The following NFIA variants were observed in gnomAD, a reference collection of about 807,000 sequenced individuals.
NFIA encodes nuclear factor I A, also known as nuclear factor 1 A-type.
NFIA carries 8 observed loss-of-function variants against 62.8 expected under a neutral mutation model. That is an observed-to-expected ratio of 0.13 (90% CI 0.07 to 0.23). The LOEUF (loss-of-function observed/expected upper bound fraction) is 0.23. NFIA is among the 10% of genes least tolerant of loss of function. The pLI, the probability that NFIA is intolerant of heterozygous loss-of-function variation, is 1.00. For missense variants in NFIA, 410 were observed against 642.1 expected (o/e 0.64, Z 3.91); for synonymous variants, 235 against 238.1 (o/e 0.99, Z 0.12).
At chr1:61,401,968 A>G (rs573867931) in intron 7 of NFIA, among the ~76,000 whole-genome samples, 23 of 152,064 alleles carry the variant, frequency 1.5e-4, no homozygotes, top group Admixed American at 4.6e-4. Context: ...GGTTTTAACA[A>G]GCAACAACAA....
At chr1:61,140,032 A>G (rs1228373857) in intron 2 of NFIA, among the ~76,000 whole-genome samples, 2 of 152,228 alleles carry the variant, frequency 1.3e-5, no homozygotes, top group Non-Finnish European at 2.9e-5. Context: ...ATGATACCCA[A>G]TAAATGATGA....
At chr1:61,178,977 A>G (rs1466568935) in intron 2 of NFIA, among the ~76,000 whole-genome samples, 1 of 152,194 alleles carries the variant, frequency 6.6e-6, no homozygotes, top group Non-Finnish European at 1.5e-5. Flanking sequence ...TCATTGTTTA[A>G]CTGAGAAGCA....
intron 2 of NFIA, among the ~76,000 whole-genome samples, chr1:61,197,186 C>A (rs1557629880): frequency 6.7e-6 from 1 of 150,330 alleles, no homozygotes; most frequent in South Asian, 2.1e-4. Flanking sequence ...AGATTTCCCA[C>A]AGAGTTGTAG....
intron 6 of NFIA, among the ~76,000 whole-genome samples, chr1:61,367,421 T>C (rs1304671299): frequency 6.6e-6 from 1 of 152,218 alleles, no homozygotes; most frequent in African/African-American, 2.4e-5. Flanking sequence ...CTACAGAACA[T>C]TGCCATGGGA....
At chr1:61,452,979 T>C (rs1668127269) in intron 10 of NFIA, among the ~76,000 whole-genome samples, 1 of 152,164 alleles carries the variant, frequency 6.6e-6, no homozygotes, top group African/African-American at 2.4e-5. Flanking sequence ...TGTAGTTTTC[T>C]TTCCCATGCA....
intron 7 of NFIA, among the ~76,000 whole-genome samples, chr1:61,387,468 C>CTTT (rs33965994): frequency 2.2e-3 from 206 of 95,428 alleles, no homozygotes; most frequent in Non-Finnish European, 2.9e-3. Context: ...CAAGCACTTT[C>CTTT]TTTTTTTTTT....
chr1:61,204,485 A>G (rs1374090362), intron 2 of NFIA, among the ~76,000 whole-genome samples: 1 of 151,942 alleles, frequency 6.6e-6, no homozygotes, highest in South Asian at 2.1e-4. Flanking sequence ...ATATTTTTTT[A>G]TTTTTTATTT....
At chr1:61,305,119 G>A (rs1444789818) in intron 3 of NFIA, among the ~76,000 whole-genome samples, 2 of 152,206 alleles carry the variant, frequency 1.3e-5, no homozygotes, top group East Asian at 1.9e-4. Context: ...TGGAAATGCG[G>A]TGGGCATGGG....
intron 6 of NFIA, among the ~76,000 whole-genome samples, chr1:61,359,561 TTTTG>T (rs1194438661): frequency 1.3e-5 from 2 of 152,154 alleles, no homozygotes; most frequent in Non-Finnish European, 2.9e-5. Context: ...CTTTTGGTTT[TTTTG>T]TTTGTTTTGT....
intron 2 of NFIA, among the ~76,000 whole-genome samples, chr1:61,245,218 C>A (rs897364162): frequency 6.6e-6 from 1 of 152,054 alleles, no homozygotes; most frequent in Non-Finnish European, 1.5e-5. Flanking sequence ...ATCCTGAAAT[C>A]TTGTAGATTA....
At chr1:61,343,393 C>T (rs1401646860) in intron 4 of NFIA, among the ~76,000 whole-genome samples, 1 of 152,220 alleles carries the variant, frequency 6.6e-6, no homozygotes, top group Non-Finnish European at 1.5e-5. Flanking sequence ...TCTTCACCTC[C>T]CTTTTCTCCT....
chr1:61,242,688 A>G (rs1655415194), intron 2 of NFIA, among the ~76,000 whole-genome samples: 1 of 152,186 alleles, frequency 6.6e-6, no homozygotes, highest in South Asian at 2.1e-4. Context: ...TCTGTTTAAT[A>G]TCAGCAATGG....
rs972242289 is a variant in NFIA, at chr1:61,092,508, G to A, written c.559+3828G>A. ...GCAAAGATCCTTTCAATCACTGAAG[G>A]AGCTGTTTCAGTGTCTCGGAAGCCT... is the stretch of plus-strand genomic sequence containing the variant. On this transcript the variant is annotated intron_variant, in intron 2 of 10. Coordinates refer to ENST00000403491, the MANE Select transcript of NFIA (RefSeq NM_001134673.4). Among the ~76,000 whole-genome samples the A allele has an allele frequency of 3.3e-5, 5 of 152,240 alleles. No homozygotes were observed. In the East Asian group the frequency reaches 9.6e-4, roughly 29 times the overall value.
intron 3 of NFIA, among the ~76,000 whole-genome samples, chr1:61,285,597 C>T (rs1658435546): frequency 6.6e-6 from 1 of 152,160 alleles, no homozygotes; most frequent in Admixed American, 6.6e-5. Flanking sequence ...TTTTACTCAG[C>T]TCCAGGCAAC....
At chr1:61,240,476 G>A (rs1158132840) in intron 2 of NFIA, among the ~76,000 whole-genome samples, 1 of 151,696 alleles carries the variant, frequency 6.6e-6, no homozygotes. Context: ...AGGTTCACAG[G>A]CTAGCTCATT....
intron 3 of NFIA, among the ~76,000 whole-genome samples, chr1:61,277,909 G>A (rs973367679): frequency 6.6e-6 from 1 of 152,102 alleles, no homozygotes; most frequent in Non-Finnish European, 1.5e-5. Context: ...AGCATTAAGT[G>A]AGGAGTCATG....
chr1:61,120,353 G>A (rs1383292688), intron 2 of NFIA, among the ~76,000 whole-genome samples: 1 of 152,160 alleles, frequency 6.6e-6, no homozygotes, highest in African/African-American at 2.4e-5. Flanking sequence ...CCAGAATGTA[G>A]AAGAAACACA....
chr1:61,355,977 G>T (rs1662932081), intron 5 of NFIA, among the ~76,000 whole-genome samples: 1 of 152,152 alleles, frequency 6.6e-6, no homozygotes, highest in Admixed American at 6.6e-5. Context: ...TTTAATACTG[G>T]CTTGGGGTAT....
intron 2 of NFIA, among the ~76,000 whole-genome samples, chr1:61,136,808 G>T (rs1647201657): frequency 6.6e-6 from 1 of 151,980 alleles, no homozygotes; most frequent in South Asian, 2.1e-4. Context: ...GTTTGGGGGG[G>T]TTTTTTCGGT....
Sources: gnomAD v4.1 joint callset for allele counts (sites outside exome capture counted in the v4.1 genomes callset) on GRCh38, gnomAD v4.1.1 for gene constraint, MANE v1.5 for transcripts, NCBI Gene and HGNC (gene_info 2026-07-23, HGNC 2026-07-21) for gene names.